The following ABCB4 variants were observed in gnomAD, a reference collection of about 807,000 sequenced individuals.
ABCB4 encodes the protein phosphatidylcholine translocator ABCB4.
ABCB4 carries 76 observed loss-of-function variants against 145.7 expected under a neutral mutation model. The ratio of observed to expected loss-of-function variants is 0.52; its 90% CI spans 0.43 to 0.63. ABCB4 has a LOEUF of 0.63. ABCB4 is among the 30% of genes least tolerant of loss of function. ABCB4 has a pLI of 0.00. For synonymous variants in ABCB4, 517 were observed against 566.8 expected, an observed-to-expected ratio of 0.91 and a Z score of 1.25; for missense variants, 1,234 against 1,553.1, an observed-to-expected ratio of 0.79 and a Z score of 3.45.
At chr7:87,449,841 G>T (rs1469502967) in intron 8 of ABCB4, 127 bp downstream of exon 8, 4 of 1,396,218 alleles carry the variant, frequency 2.9e-6, no homozygotes, top group Non-Finnish European at 2.0e-6. Flanking sequence ...TCAGTAAAGG[G>T]TGCTTATAAT....
At chr7:87,426,559 C>T (rs536399384) in intron 16 of ABCB4, among the ~76,000 whole-genome samples, 191 bp downstream of exon 16, 1 of 152,106 alleles carries the variant, frequency 6.6e-6, no homozygotes, top group East Asian at 1.9e-4. Flanking sequence ...CCTTGAAAAC[C>T]CATTTATAAT....
intron 26 of ABCB4, chr7:87,405,880 A>G (rs1808150717): frequency 1.0e-5 from 3 of 296,150 alleles, no homozygotes; most frequent in African/African-American, 6.5e-5. Flanking sequence ...ACTGTATACT[A>G]GTTTTGCAAG....
At chr7:87,475,735 C>A, upstream of ABCB4, 1 of 385,996 alleles carries the variant, frequency 2.6e-6, no homozygotes, top group Non-Finnish European at 4.6e-6. Context: ...CCCCCGCCCC[C>A]GCCCCCCACG....
intron 13 of ABCB4, 73 bp downstream of exon 13, chr7:87,440,126 C>G: frequency 6.7e-7 from 1 of 1,501,568 alleles, no homozygotes; most frequent in Non-Finnish European, 9.2e-7. Flanking sequence ...TTAGCTAAAC[C>G]TTTGAAGAAT....
Position 87,451,808 on chromosome 7 carries a change from C to T in ABCB4, c.537-14G>A, listed in dbSNP as rs922586644. 1 of 1,613,894 alleles carries T rather than the reference C, an allele frequency of 6.2e-7. No homozygotes were observed. Among genetic ancestry groups the T allele is most frequent in the Non-Finnish European group, 8.5e-7 (1 of 1,179,788 alleles). On this transcript the variant is annotated splice_polypyrimidine_tract_variant and intron_variant, in intron 6 of 27. Coordinates refer to ENST00000649586, the MANE Select transcript of ABCB4 (RefSeq NM_000443.4). ...TTGGAGATGTCACTAAAAAAGATCACACCTAAGTGGTTACAGGCAGGAGGT... is the reference window on the plus strand; with the variant it reads ...TTGGAGATGTCACTAAAAAAGATCATACCTAAGTGGTTACAGGCAGGAGGT...
At chr7:87,382,542 C>T in the ABCB4 span, 2 of 1,609,388 alleles carry the variant, frequency 1.2e-6, no homozygotes, top group South Asian at 2.2e-5. Flanking sequence ...ACTTCATGGA[C>T]AGTAAGGACC....
downstream of ABCB4, among the ~76,000 whole-genome samples, chr7:87,401,103 A>G (rs1440084721): frequency 6.6e-6 from 1 of 152,226 alleles, no homozygotes; most frequent in Non-Finnish European, 1.5e-5. Flanking sequence ...GCAGTAATGT[A>G]CTTTTTGCCC....
At chr7:87,366,780 T>A in the ABCB4 span, among the ~76,000 whole-genome samples, 1 of 152,148 alleles carries the variant, frequency 6.6e-6, no homozygotes, top group East Asian at 1.9e-4. Context: ...TAAAATTTAA[T>A]TTGTCTTTTC....
At chr7:87,400,022 T>G (rs1807712020), downstream of ABCB4, among the ~76,000 whole-genome samples, 1 of 152,102 alleles carries the variant, frequency 6.6e-6, no homozygotes, top group African/African-American at 2.4e-5. Context: ...TATCTGTAAA[T>G]TTGGTGGCTG....
chr7:87,397,287 G>T (rs764949039), downstream of ABCB4, among the ~76,000 whole-genome samples: 9 of 151,362 alleles, frequency 5.9e-5, no homozygotes, highest in Non-Finnish European at 8.8e-5. Flanking sequence ...GGAGATGGAG[G>T]TTGCAGTGAG....
the ABCB4 span, chr7:87,375,903 T>C: frequency 6.2e-7 from 1 of 1,613,318 alleles, no homozygotes; most frequent in East Asian, 2.2e-5. Context: ...TTTACTGGTA[T>C]ATTCCATGGA....
intron 20 of ABCB4, among the ~76,000 whole-genome samples, chr7:87,417,809 A>G (rs1028626528): frequency 6.6e-6 from 1 of 152,224 alleles, no homozygotes; most frequent in African/African-American, 2.4e-5. Flanking sequence ...ATTTTTTCAT[A>G]GATGCAATGT....
rs2116803093 is a variant in ABCB4 at position 87,451,727 on chromosome 7, A to C, written c.604T>G (p.Phe202Val). The change falls in exon 7 of 28, where the codon TTT becomes GTT. Residue 202 changes from phenylalanine (F) to valine (V), a missense_variant. By Grantham distance (50) the Phe-to-Val change is conservative (BLOSUM62 -1). Coordinates refer to ENST00000649586, the MANE Select transcript of ABCB4 (RefSeq NM_000443.4). ...AATCCCACTATGAATCCTGCAAAAA[A>C]CGTGGCTACTGCTTGAAAGAACATT... ...VGMFFQAVAT[F>V]FAGFIVGFIR... The C allele has an allele frequency of 6.2e-7, 1 of 1,614,146 alleles. No homozygotes were observed. Among genetic ancestry groups the C allele is most frequent in the Non-Finnish European group, 8.5e-7 (1 of 1,180,028 alleles).
At chr7:87,371,434 C>G in the ABCB4 span, among the ~76,000 whole-genome samples, 1 of 152,134 alleles carries the variant, frequency 6.6e-6, no homozygotes, top group African/African-American at 2.4e-5. Flanking sequence ...GTGACCATTT[C>G]TTTATGATAT....
chr7:87,453,190 CTT>C (rs1293930838), intron 5 of ABCB4, 55 bp from the exon 6 acceptor site: 12 of 1,553,512 alleles, frequency 7.7e-6, no homozygotes, highest in Non-Finnish European at 9.7e-6. Context: ...TTTTTCTTTT[CTT>C]TTCTTTTCTG....
At chr7:87,430,097 A>C (rs1810107541) in intron 15 of ABCB4, among the ~76,000 whole-genome samples, 1 of 152,154 alleles carries the variant, frequency 6.6e-6, no homozygotes, top group Non-Finnish European at 1.5e-5. Flanking sequence ...GGCTCAGAAG[A>C]GTTACTTGTC....
chr7:87,418,164 A>C (rs1200975116), intron 20 of ABCB4, among the ~76,000 whole-genome samples: 1 of 152,244 alleles, frequency 6.6e-6, no homozygotes, highest in Non-Finnish European at 1.5e-5. Context: ...TGTGACCCAA[A>C]TTAGCCCAAA....
the ABCB4 span, among the ~76,000 whole-genome samples, chr7:87,371,670 T>C: frequency 5.3e-5 from 8 of 152,164 alleles, no homozygotes; most frequent in African/African-American, 1.9e-4. Context: ...CTAATCATTG[T>C]TGACATGGTA....
chr7:87,468,943 A>T (rs1813143571), intron 3 of ABCB4, among the ~76,000 whole-genome samples: 1 of 141,082 alleles, frequency 7.1e-6, no homozygotes, highest in South Asian at 2.1e-4. Flanking sequence ...AAAATAAATA[A>T]ATAAAATAAA....
Sources: gnomAD v4.1 joint callset for allele counts (sites outside exome capture counted in the v4.1 genomes callset) on GRCh38, gnomAD v4.1.1 for gene constraint, MANE v1.5 for transcripts, NCBI Gene and HGNC (gene_info 2026-07-23, HGNC 2026-07-21) for gene names.